The following LARS1 variants were observed in gnomAD, a reference collection of about 807,000 sequenced individuals.
The protein encoded by LARS1 is leucyl-tRNA synthetase 1, also known as leucine--tRNA ligase, cytoplasmic.
LARS1 carries 100 observed loss-of-function variants against 162.8 expected under a neutral mutation model. That is an observed-to-expected ratio of 0.61 (90% CI 0.52 to 0.73). LARS1 has a LOEUF of 0.73. Ranked by LOEUF, LARS1 falls within the 30% of genes least tolerant of loss-of-function variation. The pLI, the probability that LARS1 is intolerant of heterozygous loss-of-function variation, is 0.00. For synonymous variants in LARS1, 457 were observed against 462.8 expected (o/e 0.99, Z 0.16); for missense variants, 1,258 against 1,408.9 (o/e 0.89, Z 1.71).
rs372707833 is a variant in LARS1 at position 146,171,731 on chromosome 5, CTTTA to C, written c.294+175_294+178del. ...AATCACTTAGACCATAATGGATGCC[CTTTA>C]TTTAAGCACTTCTTCACATGTTGTT... On this transcript the variant is annotated intron_variant, in intron 4 of 31. Coordinates refer to ENST00000394434, the MANE Select transcript of LARS1 (RefSeq NM_020117.11). Among the ~76,000 whole-genome samples the C allele has an allele frequency of 2.3e-4, 35 of 152,248 alleles. 1 individual carries two copies. In the South Asian group the frequency reaches 3.1e-3, roughly 14 times the overall value.
At chr5:146,127,113 T>C (rs528311880) in intron 27 of LARS1, among the ~76,000 whole-genome samples, 22 of 152,042 alleles carry the variant, frequency 1.4e-4, no homozygotes, top group Non-Finnish European at 2.6e-4. Context: ...GTCCCCTCAA[T>C]AGAGTGAGAA....
intron 15 of LARS1, among the ~76,000 whole-genome samples, chr5:146,147,382 T>A (rs956028279): frequency 6.7e-6 from 1 of 149,732 alleles, no homozygotes; most frequent in African/African-American, 2.5e-5. Context: ...CTGGGCAATA[T>A]GGCAAGACCC....
intron 21 of LARS1, 74 bp from the exon 22 acceptor site, chr5:146,135,738 C>G (rs1752475105): frequency 9.5e-7 from 1 of 1,051,956 alleles, no homozygotes. Flanking sequence ...ATAAAATTAA[C>G]TAGGTTGGCC....
chr5:146,180,023 T>C (rs1754763639), intron 1 of LARS1, among the ~76,000 whole-genome samples: 2 of 152,242 alleles, frequency 1.3e-5, no homozygotes, highest in Non-Finnish European at 2.9e-5. Flanking sequence ...GCAGGAACTT[T>C]TAAATTGTTT....
Position 146,131,039 on chromosome 5 carries a change from T to C in LARS1, c.2467A>G (p.Thr823Ala). Reference sequence around the variant, plus strand: ...CCTACCTGAAACTCAAAAAACCCTGTTTTCAAAGCTTCTTTAAACATCATC... The same window carrying C: ...CCTACCTGAAACTCAAAAAACCCTGCTTTCAAAGCTTCTTTAAACATCATC... ...EKMMFKEALK[T>A]GFFEFQAAKD... The change falls in exon 24 of 32, where the codon ACA (threonine) becomes GCA (alanine). Residue 823 changes from threonine to alanine, a missense_variant. By Grantham distance (58) the Thr-to-Ala change is moderately conservative. Transcript: ENST00000394434. 1 of 1,592,620 alleles carries C rather than the reference T, an allele frequency of 6.3e-7. No individual in the cohort carries two copies. Among genetic ancestry groups the C allele is most frequent in the Non-Finnish European group, 8.6e-7 (1 of 1,166,292 alleles).
At chr5:146,135,171 ATTTT>A (rs752951458) in intron 22 of LARS1, among the ~76,000 whole-genome samples, 2 of 138,636 alleles carry the variant, frequency 1.4e-5, no homozygotes, top group Non-Finnish European at 3.2e-5. Flanking sequence ...CACCCAGCTA[ATTTT>A]TTTTTTTTTT....
chr5:146,157,700 GA>G, intron 9 of LARS1, 27 bp downstream of exon 9: 2 of 1,613,394 alleles, frequency 1.2e-6, no homozygotes, highest in Non-Finnish European at 1.7e-6. Context: ...GTTCAGAAAT[GA>G]TAAAGCAATT....
At chr5:146,149,913 C>T (rs1282173082) in intron 14 of LARS1, among the ~76,000 whole-genome samples, 3 of 152,146 alleles carry the variant, frequency 2.0e-5, no homozygotes, top group Admixed American at 2.0e-4. Flanking sequence ...GATACCCACA[C>T]CTCACTAGGT....
At chr5:146,152,927 A>G (rs1753358421) in intron 13 of LARS1, among the ~76,000 whole-genome samples, 2 of 152,220 alleles carry the variant, frequency 1.3e-5, no homozygotes, top group South Asian at 4.1e-4. Flanking sequence ...AAGCTACTAT[A>G]AAATTGGTGA....
At chr5:146,140,161 C>G (rs749509923) in intron 21 of LARS1, 43 bp downstream of exon 21, 12 of 1,466,292 alleles carry the variant, frequency 8.2e-6, no homozygotes, top group Non-Finnish European at 1.1e-5. Context: ...ATCTGAAAAG[C>G]CTTCCACAGA....
At chr5:146,120,279 A>T (rs1751757380) in intron 31 of LARS1, 92 bp downstream of exon 31, 1 of 1,362,474 alleles carries the variant, frequency 7.3e-7, no homozygotes, top group Admixed American at 2.0e-5. Context: ...AGCTGTCCAT[A>T]AGCAAGCCGG....
chr5:146,150,942 G>GAGACAC (rs1753255937), intron 14 of LARS1, among the ~76,000 whole-genome samples: 1 of 134,808 alleles, frequency 7.4e-6, no homozygotes, highest in Non-Finnish European at 1.6e-5. Flanking sequence ...CCGTCAGATA[G>GAGACAC]ACACACACAC....
intron 6 of LARS1, among the ~76,000 whole-genome samples, chr5:146,161,872 A>T (rs1707562948): frequency 1.3e-5 from 2 of 152,190 alleles, no homozygotes; most frequent in African/African-American, 4.8e-5. Context: ...CACCTTTACC[A>T]GAAGTAGACT....
chr5:146,146,599 G>A (rs980806261), intron 15 of LARS1, among the ~76,000 whole-genome samples: 2 of 136,192 alleles, frequency 1.5e-5, no homozygotes, highest in Non-Finnish European at 3.1e-5. Context: ...CTGAACTAGA[G>A]ACAAAGTTAC....
At chr5:146,143,384 T>G (rs1435155734) in intron 19 of LARS1, 28 bp downstream of exon 19, 6 of 1,590,176 alleles carry the variant, frequency 3.8e-6, no homozygotes, top group Non-Finnish European at 5.1e-6. Flanking sequence ...TGACAAATTA[T>G]GCTCCTTTCC....
chr5:146,154,227 T>C (rs746876278), intron 10 of LARS1, among the ~76,000 whole-genome samples: 1 of 152,110 alleles, frequency 6.6e-6, no homozygotes. Context: ...GTGTAGAGGC[T>C]ATTCACAGGT....
At chr5:146,155,746 C>T (rs554432460) in intron 10 of LARS1, among the ~76,000 whole-genome samples, 11 of 152,258 alleles carry the variant, frequency 7.2e-5, no homozygotes, top group Non-Finnish European at 1.3e-4. Flanking sequence ...CATCCATGTC[C>T]CTCACGCCAG....
intron 8 of LARS1, 73 bp from the exon 9 acceptor site, chr5:146,157,868 G>A: frequency 7.0e-7 from 1 of 1,428,636 alleles, no homozygotes; most frequent in Non-Finnish European, 9.8e-7. Context: ...CTATGTGAGA[G>A]ATCTGATTCA....
At chr5:146,170,590 A>G (rs1754219299) in intron 4 of LARS1, among the ~76,000 whole-genome samples, 2 of 152,304 alleles carry the variant, frequency 1.3e-5, no homozygotes, top group South Asian at 4.2e-4. Flanking sequence ...AGGGGATAAC[A>G]GGACTCTGAT....
Sources: gnomAD v4.1 joint callset for allele counts (sites outside exome capture counted in the v4.1 genomes callset) on GRCh38, gnomAD v4.1.1 for gene constraint, MANE v1.5 for transcripts, NCBI Gene and HGNC (gene_info 2026-07-23, HGNC 2026-07-21) for gene names.